Variants in GABRA2 observed in about 807,000 individuals in gnomAD.
GABRA2 encodes the protein gamma-aminobutyric acid receptor subunit alpha-2.
A neutral mutation model predicts 48.7 loss-of-function variants in GABRA2; 16 were observed. That is an observed-to-expected ratio of 0.33 (90% CI 0.22 to 0.50). The LOEUF is 0.50. Ranked by LOEUF, GABRA2 falls within the 20% of genes least tolerant of loss-of-function variation. GABRA2 has a pLI of 0.98. For synonymous variants in GABRA2, 185 were observed against 184.5 expected (o/e 1.00, Z -0.02); for missense variants, 275 against 535.6 (o/e 0.51, Z 4.80).
intron 8 of GABRA2, among the ~76,000 whole-genome samples, chr4:46,293,402 G>A (rs1724042932): frequency 6.6e-6 from 1 of 152,280 alleles, no homozygotes; most frequent in South Asian, 2.1e-4. Context: ...ACTGGAGAAA[G>A]GCAAATAATC....
chr4:46,319,087 T>C (rs890565987), intron 4 of GABRA2, among the ~76,000 whole-genome samples: 1 of 151,800 alleles, frequency 6.6e-6, no homozygotes, highest in African/African-American at 2.4e-5. Context: ...TTAAGTGTTA[T>C]ATCCATAATT....
intron 4 of GABRA2, among the ~76,000 whole-genome samples, chr4:46,313,814 CAT>C (rs1442675577): frequency 2.6e-5 from 4 of 152,030 alleles, no homozygotes; most frequent in African/African-American, 4.8e-5. Flanking sequence ...ATAGTCATTA[CAT>C]GTTTGAAAAT....
At chr4:46,375,173 T>C (rs1360493919) in intron 3 of GABRA2, among the ~76,000 whole-genome samples, 1 of 152,164 alleles carries the variant, frequency 6.6e-6, no homozygotes, top group Non-Finnish European at 1.5e-5. Context: ...TGAAGGGATC[T>C]GTATCTGATG....
At chr4:46,369,183 A>T (rs1299301634) in intron 3 of GABRA2, among the ~76,000 whole-genome samples, 1 of 152,108 alleles carries the variant, frequency 6.6e-6, no homozygotes, top group Non-Finnish European at 1.5e-5. Context: ...ACTGAGTGAC[A>T]TACACTGGAT....
Position 46,380,243 on chromosome 4 carries a change from G to A in GABRA2, c.187+5831C>T, listed in dbSNP as rs79248348. On this transcript the variant is annotated intron_variant, in intron 3 of 9. Transcript: ENST00000381620. ...ATTTTTATATGTCATGACAGTAATC[G>A]TGAAGATAAATGCATCATCTTTTTC... Among the ~76,000 whole-genome samples the A allele has an allele frequency of 5.2e-3, 787 of 152,234 alleles. 11 individuals carry two copies. The highest frequency in any genetic ancestry group is 0.034 in the East Asian group (174 of 5,170).
chr4:46,253,012 G>T (rs1715105114), intron 9 of GABRA2, among the ~76,000 whole-genome samples: 2 of 151,392 alleles, frequency 1.3e-5, no homozygotes, highest in East Asian at 2.0e-4. Flanking sequence ...TGGTGTACAA[G>T]ATGTAAAGGC....
At chr4:46,315,808 C>T (rs537876348) in intron 4 of GABRA2, among the ~76,000 whole-genome samples, 3 of 151,958 alleles carry the variant, frequency 2.0e-5, no homozygotes, top group African/African-American at 7.2e-5. Context: ...GAAATGTCAT[C>T]ACAAATCTTA....
Position 46,262,851 on chromosome 4 carries a change from C to G in GABRA2, c.857-723G>C, listed in dbSNP as rs556472642. Among the ~76,000 whole-genome samples the G allele has an allele frequency of 9.9e-5, 15 of 151,044 alleles. 1 individual carries two copies. Among genetic ancestry groups the G allele is most frequent in the African/African-American group, 3.7e-4 (15 of 41,084 alleles). Reference sequence around the variant, plus strand: ...GACAGAGGTTGCAGTGAACCGAGATCACGATGCTACACTCCAGCCTGGGCG... The same window carrying G: ...GACAGAGGTTGCAGTGAACCGAGATGACGATGCTACACTCCAGCCTGGGCG... On this transcript the variant is annotated intron_variant, in intron 8 of 9. Transcript: ENST00000381620.
chr4:46,355,069 T>A (rs927466696), intron 3 of GABRA2, among the ~76,000 whole-genome samples: 2 of 152,104 alleles, frequency 1.3e-5, no homozygotes, highest in Non-Finnish European at 2.9e-5. Flanking sequence ...AATATCCTAG[T>A]CTACTCCCTT....
At chr4:46,284,942 T>C (rs1425765518) in intron 8 of GABRA2, among the ~76,000 whole-genome samples, 1 of 151,062 alleles carries the variant, frequency 6.6e-6, no homozygotes, top group Non-Finnish European at 1.5e-5. Flanking sequence ...TATGAACCTG[T>C]CAATTTAAAG....
chr4:46,384,560 A>T (rs1717192369), intron 3 of GABRA2, among the ~76,000 whole-genome samples: 1 of 152,176 alleles, frequency 6.6e-6, no homozygotes, highest in Non-Finnish European at 1.5e-5. Context: ...ATTCAAAGAG[A>T]CAAAGTCTAC....
intron 3 of GABRA2, 152 bp from the exon 4 acceptor site, chr4:46,332,834 C>T (rs2109814029): frequency 1.9e-6 from 1 of 520,962 alleles, no homozygotes; most frequent in Non-Finnish European, 3.5e-6. Context: ...ACCATAATGA[C>T]TATAATGCTC....
At chr4:46,325,795 C>T (rs1400440891) in intron 4 of GABRA2, among the ~76,000 whole-genome samples, 1 of 151,988 alleles carries the variant, frequency 6.6e-6, no homozygotes, top group Non-Finnish European at 1.5e-5. Flanking sequence ...CTGCATATGG[C>T]TAGCCAGTTA....
At chr4:46,368,613 C>T (rs1714419677) in intron 3 of GABRA2, 1 of 204,618 alleles carries the variant, frequency 4.9e-6, no homozygotes, top group East Asian at 1.1e-4. Flanking sequence ...TTTTTTCATA[C>T]CCTTTATGAG....
chr4:46,275,223 G>T (rs1242049547), intron 8 of GABRA2, among the ~76,000 whole-genome samples: 1 of 152,050 alleles, frequency 6.6e-6, no homozygotes, highest in Non-Finnish European at 1.5e-5. Context: ...AAAAGGATAT[G>T]ATTCAGATCC....
chr4:46,307,621 A>C (rs989875571), intron 6 of GABRA2, among the ~76,000 whole-genome samples: 1 of 152,090 alleles, frequency 6.6e-6, no homozygotes, highest in African/African-American at 2.4e-5. Flanking sequence ...ACAGTGCCTG[A>C]TACACAGAAG....
At chr4:46,298,052 T>C (rs1025886773) in intron 8 of GABRA2, among the ~76,000 whole-genome samples, 2 of 152,158 alleles carry the variant, frequency 1.3e-5, no homozygotes, top group African/African-American at 4.8e-5. Flanking sequence ...CCAGTTTTCA[T>C]TCTACAGTTA....
intron 9 of GABRA2, among the ~76,000 whole-genome samples, chr4:46,254,543 A>G (rs1459274090): frequency 6.6e-6 from 1 of 151,390 alleles, no homozygotes; most frequent in Admixed American, 6.6e-5. Flanking sequence ...ATCATTTATG[A>G]GAATAAGGCC....
At chr4:46,361,130 G>A (rs775751954) in intron 3 of GABRA2, among the ~76,000 whole-genome samples, 2 of 152,164 alleles carry the variant, frequency 1.3e-5, no homozygotes, top group Non-Finnish European at 2.9e-5. Context: ...AAGATACCTC[G>A]AGAAACTTGC....
Sources: gnomAD v4.1 joint callset for allele counts (sites outside exome capture counted in the v4.1 genomes callset) on GRCh38, gnomAD v4.1.1 for gene constraint, MANE v1.5 for transcripts, NCBI Gene and HGNC (gene_info 2026-07-23, HGNC 2026-07-21) for gene names.